The following SPRR2G variants were observed in gnomAD, a reference collection of about 807,000 sequenced individuals.
The protein encoded by SPRR2G is small proline-rich protein 2G.
SPRR2G carries 1 observed loss-of-function variant against 0.7 expected under a neutral mutation model. The observed-to-expected ratio is 1.49, with a 90% CI of 0.53 to 7.06. The LOEUF (loss-of-function observed/expected upper bound fraction) is 7.06, where lower values mean the gene tolerates loss of function less well. SPRR2G is among the 30% of genes most tolerant of loss of function. The pLI is 0.14. For synonymous variants in SPRR2G, 38 were observed against 33.9 expected, an observed-to-expected ratio of 1.12 and a Z score of -0.42; for missense variants, 96 against 88.5, an observed-to-expected ratio of 1.09 and a Z score of -0.34.
chr1:153,173,229 T>G, the SPRR2G span, among the ~76,000 whole-genome samples: 51 of 152,320 alleles, frequency 3.3e-4, no homozygotes, highest in Non-Finnish European at 6.5e-4. Flanking sequence ...CCTGAGAATT[T>G]GAGTGAAGGC....
At chr1:153,187,273 C>T in the SPRR2G span, among the ~76,000 whole-genome samples, 13 of 152,186 alleles carry the variant, frequency 8.5e-5, no homozygotes, top group African/African-American at 3.1e-4. Context: ...AAGTTCTCCT[C>T]GATAACATCC....
At chr1:153,153,883 G>A (rs1248980702), upstream of SPRR2G, among the ~76,000 whole-genome samples, 1 of 152,062 alleles carries the variant, frequency 6.6e-6, no homozygotes, top group Non-Finnish European at 1.5e-5. Flanking sequence ...AAGAGTGAGT[G>A]TCCTTGCTTT....
chr1:153,197,132 ATGTGTG>A, the SPRR2G span, among the ~76,000 whole-genome samples: 1,625 of 140,496 alleles, frequency 0.012, 24 homozygotes, highest in South Asian at 0.021. Flanking sequence ...CAGGCAGAGA[ATGTGTG>A]TGTGTGTGTG....
chr1:153,171,811 A>C, the SPRR2G span, among the ~76,000 whole-genome samples: 1 of 152,244 alleles, frequency 6.6e-6, no homozygotes, highest in East Asian at 1.9e-4. Flanking sequence ...ACAACAAAGC[A>C]AACACATCAA....
the SPRR2G span, among the ~76,000 whole-genome samples, chr1:153,165,175 T>C: frequency 6.6e-6 from 1 of 151,164 alleles, no homozygotes; most frequent in South Asian, 2.1e-4. Flanking sequence ...GATGGATGGA[T>C]GGATGGATGG....
the SPRR2G span, chr1:153,191,632 CA>C: frequency 6.6e-6 from 1 of 152,242 alleles, no homozygotes; most frequent in East Asian, 1.9e-4. Context: ...GTAAAAAAGT[CA>C]AATAATGTCA....
the SPRR2G span, among the ~76,000 whole-genome samples, chr1:153,161,121 T>C: frequency 6.6e-6 from 1 of 150,936 alleles, no homozygotes; most frequent in African/African-American, 2.4e-5. Flanking sequence ...CATTAGGAGA[T>C]ATACCTAATG....
the SPRR2G span, among the ~76,000 whole-genome samples, chr1:153,187,016 G>C: frequency 3.9e-5 from 6 of 152,168 alleles, no homozygotes; most frequent in Admixed American, 3.3e-4. Context: ...TAGGAATGTT[G>C]AATATTGGCC....
chr1:153,186,313 G>A, the SPRR2G span, among the ~76,000 whole-genome samples: 1 of 152,232 alleles, frequency 6.6e-6, no homozygotes, highest in African/African-American at 2.4e-5. Context: ...TGATAGTGGG[G>A]TGTTAAAGTC....
the SPRR2G span, among the ~76,000 whole-genome samples, chr1:153,172,006 T>C: frequency 3.3e-5 from 5 of 152,262 alleles, no homozygotes; most frequent in Admixed American, 1.3e-4. Context: ...TTCTTTGGTT[T>C]ACCAATTTCC....
At chr1:153,181,249 T>G in the SPRR2G span, among the ~76,000 whole-genome samples, 2 of 152,170 alleles carry the variant, frequency 1.3e-5, no homozygotes, top group Non-Finnish European at 2.9e-5. Context: ...TGTTTGTTTG[T>G]TTTTGGTTGT....
chr1:153,200,453 TG>T, the SPRR2G span, among the ~76,000 whole-genome samples: 1 of 152,136 alleles, frequency 6.6e-6, no homozygotes, highest in South Asian at 2.1e-4. Context: ...CAAACATTTT[TG>T]GGGGGTACTT....
At chr1:153,199,993 C>T in the SPRR2G span, among the ~76,000 whole-genome samples, 1 of 152,026 alleles carries the variant, frequency 6.6e-6, no homozygotes, top group South Asian at 2.1e-4. Flanking sequence ...AAAAAAGCAG[C>T]GAGGGAGATT....
the SPRR2G span, among the ~76,000 whole-genome samples, chr1:153,160,903 A>G: frequency 9.4e-4 from 142 of 151,670 alleles, no homozygotes; most frequent in African/African-American, 3.4e-3. Flanking sequence ...ATGGAATACT[A>G]TGCAGCCATA....
At chr1:153,162,172 G>T in the SPRR2G span, among the ~76,000 whole-genome samples, 4,680 of 151,962 alleles carry the variant, frequency 0.031, 236 homozygotes, top group African/African-American at 0.11. Flanking sequence ...CTCCTCCCTC[G>T]GATAGGCCCC....
Position 153,149,776 on chromosome 1 carries a change from G to T in SPRR2G, c.*113C>A. ...TCTGTCAACGCTCAAGCCAGACAGA[G>T]GTTAGGGAAGATGCAGCCTCCCACT... On this transcript the variant is annotated 3_prime_UTR_variant, in exon 2 of 2. Coordinates refer to ENST00000368748, the MANE Select transcript of SPRR2G (RefSeq NM_001014291.4). 1 of 1,345,860 alleles carries T rather than the reference G, an allele frequency of 7.4e-7. No homozygotes were observed. The highest frequency in any genetic ancestry group is 1.0e-6 in the Non-Finnish European group (1 of 954,038). The allele number at this position is 1,345,860 out of a possible 1,614,324, so 83.4% of individuals were successfully genotyped here. A position where few individuals can be genotyped will look rare whatever the true frequency, so the allele number is the denominator to read the frequency against.
the SPRR2G span, chr1:153,174,759 T>C: frequency 6.6e-6 from 1 of 152,352 alleles, no homozygotes; most frequent in Non-Finnish European, 1.5e-5. Context: ...AAGGATTACA[T>C]ATATTTGCTA....
the SPRR2G span, among the ~76,000 whole-genome samples, chr1:153,193,022 G>A: frequency 6.6e-6 from 1 of 152,100 alleles, no homozygotes; most frequent in Admixed American, 6.5e-5. Context: ...TCTTTATTTT[G>A]AGAGATTAGG....
chr1:153,174,315 G>A, the SPRR2G span, among the ~76,000 whole-genome samples: 1 of 152,168 alleles, frequency 6.6e-6, no homozygotes, highest in Non-Finnish European at 1.5e-5. Flanking sequence ...ACAGAAAAAG[G>A]GTTTATTAAA....
Sources: allele counts gnomAD v4.1 joint callset (sites outside exome capture counted in the v4.1 genomes callset), GRCh38; gene constraint gnomAD v4.1.1; transcripts MANE v1.5; gene names NCBI Gene and HGNC (gene_info 2026-07-23, HGNC 2026-07-21).